Variants in ASTN1 observed in about 807,000 individuals in gnomAD.
ASTN1 encodes astrotactin-1.
ASTN1 carries 41 observed loss-of-function variants against 140.7 expected under a neutral mutation model. The observed-to-expected ratio is 0.29, with a 90% CI of 0.23 to 0.38. The LOEUF (loss-of-function observed/expected upper bound fraction) is 0.38, where lower values mean the gene tolerates loss of function less well. ASTN1 is among the 10% of genes least tolerant of loss of function. ASTN1 has a pLI of 1.00. For missense variants in ASTN1, 1,479 were observed against 1,678.8 expected (o/e 0.88, Z 2.08); for synonymous variants, 640 against 652.2 (o/e 0.98, Z 0.29).
At chr1:177,037,819 T>C (rs2101987631) in intron 2 of ASTN1, among the ~76,000 whole-genome samples, 1 of 152,198 alleles carries the variant, frequency 6.6e-6, no homozygotes, top group Non-Finnish European at 1.5e-5. Context: ...TATTAACGAG[T>C]TCCTTGCAAA....
At position 176,861,715 on chromosome 1, in the gene ASTN1, T is replaced by C; in HGVS notation, c.*2569A>G. The C allele has an allele frequency of 1.0e-6, 1 of 985,268 alleles. No homozygotes were observed. The highest frequency in any genetic ancestry group is 1.2e-6 in the Non-Finnish European group (1 of 829,932). The allele number at this position is 985,268 out of a possible 1,614,324, so 61.0% of individuals were successfully genotyped here. On this transcript the variant is annotated 3_prime_UTR_variant, in exon 23 of 23. Coordinates refer to ENST00000361833, the MANE Select transcript of ASTN1 (RefSeq NM_004319.3). The stretch of plus-strand genomic sequence containing the variant: ...GTGTGTGTGTACATACATACACACA[T>C]TCAGTGGGGAGAACTCAACGAGAAA...
At chr1:177,046,872 G>A (rs1387179746) in intron 2 of ASTN1, among the ~76,000 whole-genome samples, 1 of 152,162 alleles carries the variant, frequency 6.6e-6, no homozygotes. Context: ...ACAGGACAGA[G>A]GGGAAAGTGC....
chr1:177,031,003 A>C (rs1395070246), intron 3 of ASTN1, 51 bp from the exon 4 acceptor site: 1 of 1,561,370 alleles, frequency 6.4e-7, no homozygotes, highest in Non-Finnish European at 8.7e-7. Context: ...GACCAAAAGA[A>C]AGGGAGAAGA....
intron 11 of ASTN1, among the ~76,000 whole-genome samples, chr1:176,955,619 G>T (rs1257994051): frequency 1.3e-5 from 2 of 152,212 alleles, no homozygotes; most frequent in African/African-American, 4.8e-5. Context: ...TATTGCAAAT[G>T]CATATTCATC....
At chr1:176,955,766 G>A (rs1672373801) in intron 11 of ASTN1, among the ~76,000 whole-genome samples, 1 of 152,188 alleles carries the variant, frequency 6.6e-6, no homozygotes, top group Admixed American at 6.5e-5. Context: ...AGGGGCTCAG[G>A]AAGGGACACA....
chr1:177,114,001 A>G (rs1380835648), intron 1 of ASTN1, among the ~76,000 whole-genome samples: 1 of 152,228 alleles, frequency 6.6e-6, no homozygotes. Flanking sequence ...GATGAAAGAA[A>G]TGATGACTGG....
chr1:177,002,710 T>C (rs1658463817), intron 8 of ASTN1, among the ~76,000 whole-genome samples: 1 of 152,224 alleles, frequency 6.6e-6, no homozygotes, highest in Non-Finnish European at 1.5e-5. Context: ...TATGAGTGTT[T>C]GAACAAGAAT....
intron 1 of ASTN1, among the ~76,000 whole-genome samples, chr1:177,149,204 T>G (rs1310601703): frequency 1.2e-4 from 12 of 104,220 alleles, no homozygotes; most frequent in African/African-American, 4.8e-4. Context: ...TAAATATATA[T>G]AGTGTATATA....
intron 2 of ASTN1, among the ~76,000 whole-genome samples, chr1:177,035,357 G>A (rs1019806096): frequency 2.0e-5 from 3 of 152,134 alleles, no homozygotes; most frequent in African/African-American, 7.2e-5. Flanking sequence ...AGGAGAGTAT[G>A]GATGAATACA....
At chr1:177,149,699 TATATATACACTGTATATACATAGTAA>T (rs1682939789) in intron 1 of ASTN1, among the ~76,000 whole-genome samples, 1 of 68,622 alleles carries the variant, frequency 1.5e-5, no homozygotes, top group Non-Finnish European at 2.2e-5. Context: ...ACATAGTAAA[TATATATACACTGTATATACATAGTAA>T]ATATATATAC....
chr1:176,994,334 T>G (rs1674338745), intron 8 of ASTN1, among the ~76,000 whole-genome samples: 1 of 152,110 alleles, frequency 6.6e-6, no homozygotes, highest in Non-Finnish European at 1.5e-5. Context: ...GTCTCAATTA[T>G]CTTTTCCCCT....
At chr1:176,997,008 G>A (rs1396278689) in intron 8 of ASTN1, among the ~76,000 whole-genome samples, 1 of 152,236 alleles carries the variant, frequency 6.6e-6, no homozygotes, top group Non-Finnish European at 1.5e-5. Flanking sequence ...CCCAGGGACT[G>A]TTGGCCAGTG....
At chr1:176,933,679 C>T (rs1342825612) in intron 16 of ASTN1, among the ~76,000 whole-genome samples, 3 of 152,154 alleles carry the variant, frequency 2.0e-5, no homozygotes, top group Non-Finnish European at 4.4e-5. Context: ...TAACACAAAT[C>T]AGTCGGAAAA....
chr1:176,918,179 C>A (rs910319908), intron 16 of ASTN1, among the ~76,000 whole-genome samples: 1 of 152,102 alleles, frequency 6.6e-6, no homozygotes, highest in Non-Finnish European at 1.5e-5. Context: ...CCTACCCCAA[C>A]CTTTCCTCTG....
At chr1:176,949,769 T>C (rs1672116459) in intron 11 of ASTN1, among the ~76,000 whole-genome samples, 1 of 151,826 alleles carries the variant, frequency 6.6e-6, no homozygotes, top group African/African-American at 2.4e-5. Flanking sequence ...GTACTATGAG[T>C]TTTTTAAGTG....
chr1:176,922,580 A>AAAAAAAAAAAAAAAAAAAAAAAAAAC, intron 16 of ASTN1, among the ~76,000 whole-genome samples: 1 of 142,020 alleles, frequency 7.0e-6, no homozygotes, highest in African/African-American at 2.7e-5. Context: ...AAAAAAAAAA[A>AAAAAAAAAAAAAAAAAAAAAAAAAAC]ATTCTCACAT....
In ASTN1 at chr1:177,032,467, T is replaced by A; in HGVS notation, c.854A>T (p.Asp285Val). Residue 285 changes from aspartate (D) to valine (V), a missense_variant, in exon 3 of 23, where the codon GAC becomes GTC. Asp to Val is a radical substitution (Grantham distance 152, BLOSUM62 -3). Coordinates refer to ENST00000361833, the MANE Select transcript of ASTN1 (RefSeq NM_004319.3). ...TCTCCCATCCCCACCTGGTGTGAGG[T>A]CCATCCCCGACTTTTCATTGCAGCC... ...LQGCNEKSGM[D>V]LTPGSDNAKL... is the part of the protein sequence containing the mutation. 8 of 1,613,624 alleles carry A rather than the reference T, an allele frequency of 5.0e-6. No homozygotes were observed. Among genetic ancestry groups the A allele is most frequent in the Non-Finnish European group, 6.8e-6 (8 of 1,179,770 alleles).
chr1:176,888,366 G>A (rs562498293), intron 17 of ASTN1, among the ~76,000 whole-genome samples, 162 bp from the exon 18 acceptor site: 1 of 152,298 alleles, frequency 6.6e-6, no homozygotes, highest in South Asian at 2.1e-4. Flanking sequence ...CCAGGAGATT[G>A]TTTCTGGGAA....
intron 1 of ASTN1, among the ~76,000 whole-genome samples, chr1:177,102,099 G>A (rs1680330306): frequency 1.3e-5 from 2 of 152,138 alleles, no homozygotes; most frequent in East Asian, 3.9e-4. Flanking sequence ...GACACATTCA[G>A]GAACATACAT....
Sources: allele counts gnomAD v4.1 joint callset (sites outside exome capture counted in the v4.1 genomes callset), GRCh38; gene constraint gnomAD v4.1.1; transcripts MANE v1.5; gene names NCBI Gene and HGNC (gene_info 2026-07-23, HGNC 2026-07-21).